Variants in USP48 observed in about 807,000 individuals in gnomAD.
USP48 encodes the protein ubiquitin carboxyl-terminal hydrolase 48.
In USP48, 43 loss-of-function variants were observed where a neutral mutation model predicts 150.7. The observed-to-expected ratio is 0.29, with a 90% CI of 0.22 to 0.37. The LOEUF is 0.37. USP48 is among the 10% of genes least tolerant of loss of function. The pLI, the probability that USP48 is intolerant of heterozygous loss-of-function variation, is 1.00. For missense variants in USP48, 813 were observed against 1,249.6 expected, an observed-to-expected ratio of 0.65 and a Z score of 5.27; for synonymous variants, 396 against 425.9, an observed-to-expected ratio of 0.93 and a Z score of 0.86.
intron 1 of USP48, among the ~76,000 whole-genome samples, chr1:21,771,189 C>T (rs1434165132): frequency 3.3e-5 from 5 of 151,726 alleles, no homozygotes; most frequent in Admixed American, 1.3e-4. Context: ...ACCTGGCCAA[C>T]GTGGTGAAAC....
rs1446273279 is a variant in USP48 at position 21,703,626 on chromosome 1, G to GA, written c.2516-9_2516-8insT. ...TGCATTCTGGACAGAGTTCTTTGGG[G>GA]GAAAAAAAAAAAGGGAAAACAGAAG... On this transcript the variant is annotated splice_polypyrimidine_tract_variant and intron_variant, in intron 20 of 26. Coordinates refer to ENST00000308271, the MANE Select transcript of USP48 (RefSeq NM_032236.8). 3.8e-6 allele frequency: 6 copies of GA among 1,574,350 alleles called. No homozygotes were observed. The highest frequency in any genetic ancestry group is 4.3e-6 in the Non-Finnish European group (5 of 1,164,650).
intron 9 of USP48, among the ~76,000 whole-genome samples, chr1:21,731,300 G>A (rs1253935563): frequency 2.6e-5 from 4 of 151,586 alleles, no homozygotes; most frequent in Admixed American, 6.6e-5. Flanking sequence ...AATTTCGCTC[G>A]TCTCCCAGGC....
chr1:21,759,086 G>A (rs1202600912), intron 1 of USP48, among the ~76,000 whole-genome samples: 1 of 148,692 alleles, frequency 6.7e-6, no homozygotes, highest in Non-Finnish European at 1.5e-5. Flanking sequence ...GGAGGCTGAT[G>A]CAGGAGAATT....
Position 21,695,237 on chromosome 1 carries a change from G to A in USP48, c.2728-16C>T. 1.3e-6 allele frequency: 2 copies of A among 1,584,530 alleles called. No individual in the cohort carries two copies. The highest frequency in any genetic ancestry group is 2.3e-5 in the South Asian group (2 of 86,594). ...CACCATTGCTCTATAATGAAGATTG[G>A]AAATGAAGAAAGCACTGAAATTAAC... On this transcript the variant is annotated splice_polypyrimidine_tract_variant and intron_variant, in intron 22 of 26. Transcript: ENST00000308271.
chr1:21,756,754 C>T lies in USP48; in HGVS notation c.256-52G>A, dbSNP rs745443507. ...TAAAACCCATTTTCCTTTAAACAAC[C>T]AATTTCTAAGCATTATTCTTAAATT... is the stretch of plus-strand genomic sequence containing the variant. On this transcript the variant is annotated intron_variant, in intron 2 of 26. Coordinates refer to ENST00000308271, the MANE Select transcript of USP48 (RefSeq NM_032236.8). 7 of 1,598,044 alleles carry T rather than the reference C, an allele frequency of 4.4e-6. No homozygotes were observed. In the Admixed American group the frequency reaches 7.0e-5, roughly 16 times the overall value.
intron 1 of USP48, among the ~76,000 whole-genome samples, chr1:21,760,076 A>G (rs1041383967): frequency 6.6e-5 from 10 of 152,188 alleles, no homozygotes; most frequent in African/African-American, 2.4e-4. Context: ...ACACAGAATC[A>G]CTTCTGTGAT....
intron 19 of USP48, 38 bp downstream of exon 19, chr1:21,705,689 A>G: frequency 6.9e-7 from 1 of 1,452,034 alleles, no homozygotes; most frequent in South Asian, 1.3e-5. Context: ...AAAAAGAGAA[A>G]AGAAGAAAAA....
At chr1:21,704,788 T>C (rs2097667436) in intron 19 of USP48, among the ~76,000 whole-genome samples, 1 of 151,920 alleles carries the variant, frequency 6.6e-6, no homozygotes, top group Non-Finnish European at 1.5e-5. Flanking sequence ...GTGGTTAGTG[T>C]GAGAGGAAGG....
chr1:21,681,887 G>A (rs1231585692), intron 25 of USP48, among the ~76,000 whole-genome samples: 2 of 152,112 alleles, frequency 1.3e-5, no homozygotes, highest in Non-Finnish European at 2.9e-5. Context: ...GTAACCTCTT[G>A]AAGACAGTCA....
intron 12 of USP48, among the ~76,000 whole-genome samples, chr1:21,722,467 A>G (rs2152544660): frequency 6.6e-6 from 1 of 151,010 alleles, no homozygotes; most frequent in East Asian, 2.0e-4. Context: ...TAAGCCTAGA[A>G]GTTCTAGGCT....
At chr1:21,779,408 G>C (rs2097908956) in intron 1 of USP48, among the ~76,000 whole-genome samples, 1 of 151,872 alleles carries the variant, frequency 6.6e-6, no homozygotes, top group South Asian at 2.1e-4. Context: ...TTAGCCGGGT[G>C]TGGTGGTGGG....
intron 1 of USP48, among the ~76,000 whole-genome samples, chr1:21,764,989 CAT>C (rs2097858380): frequency 6.6e-6 from 1 of 152,262 alleles, no homozygotes; most frequent in Middle Eastern, 3.4e-3. Context: ...AAAGACTAAG[CAT>C]ATATTTCTTA....
At chr1:21,696,907 G>GC (rs869184428) in intron 22 of USP48, among the ~76,000 whole-genome samples, 2 of 222 alleles carry the variant, frequency 9.0e-3, no homozygotes, top group Non-Finnish European at 0.17. Flanking sequence ...GGTGGGGGAT[G>GC]GGGGGTGAGT....
At chr1:21,706,720 C>T in intron 16 of USP48, 24 bp downstream of exon 16, 1 of 1,610,518 alleles carries the variant, frequency 6.2e-7, no homozygotes, top group Non-Finnish European at 8.5e-7. Context: ...TGCCATTTCC[C>T]CAGATGTCAG....
chr1:21,718,943 T>C (rs1446649900), intron 14 of USP48, among the ~76,000 whole-genome samples: 2 of 152,140 alleles, frequency 1.3e-5, no homozygotes, highest in Admixed American at 6.5e-5. Context: ...AGTTCATGAA[T>C]TATATAGCAC....
chr1:21,705,579 T>C (rs7524244), intron 19 of USP48, 148 bp downstream of exon 19: 2 of 598,912 alleles, frequency 3.3e-6, no homozygotes, highest in Admixed American at 3.6e-5. Flanking sequence ...TCTTCTCTTT[T>C]AAAAGGGGAA....
chr1:21,738,313 C>T (rs1449677826), intron 8 of USP48, among the ~76,000 whole-genome samples: 1 of 150,610 alleles, frequency 6.6e-6, no homozygotes, highest in Non-Finnish European at 1.5e-5. Flanking sequence ...CTGCCTCGGC[C>T]TCCCAAAGTG....
At chr1:21,730,425 C>T (rs1331029983) in intron 9 of USP48, among the ~76,000 whole-genome samples, 1 of 151,390 alleles carries the variant, frequency 6.6e-6, no homozygotes, top group East Asian at 2.0e-4. Flanking sequence ...CAGAGCAAGA[C>T]TCTGTCTCAT....
intron 6 of USP48, among the ~76,000 whole-genome samples, chr1:21,748,664 A>C (rs1400639191): frequency 6.6e-6 from 1 of 152,266 alleles, no homozygotes; most frequent in African/African-American, 2.4e-5. Flanking sequence ...TAATCCCAAC[A>C]CTTTGGGAGG....
Sources: gnomAD v4.1 joint callset for allele counts (sites outside exome capture counted in the v4.1 genomes callset) on GRCh38, gnomAD v4.1.1 for gene constraint, MANE v1.5 for transcripts, NCBI Gene and HGNC (gene_info 2026-07-23, HGNC 2026-07-21) for gene names.